The following RBFOX1 variants were observed in gnomAD, a reference collection of about 807,000 sequenced individuals.
RBFOX1 encodes the protein RNA binding protein fox-1 homolog 1.
In RBFOX1, 8 loss-of-function variants were observed where a neutral mutation model predicts 57.7. That is an observed-to-expected ratio of 0.14 (90% CI 0.08 to 0.25). The LOEUF is 0.25. Ranked by LOEUF, RBFOX1 falls within the 10% of genes least tolerant of loss-of-function variation. The probability of loss-of-function intolerance (pLI) is 1.00; values close to 1 mark genes in which losing one functional copy is unlikely to be tolerated. For synonymous variants in RBFOX1, 326 were observed against 222.4 expected (o/e 1.47, Z -4.15); for missense variants, 611 against 548.5 (o/e 1.11, Z -1.14).
chr16:6,583,056 T>C (rs1210472782), intron 2 of RBFOX1, among the ~76,000 whole-genome samples: 1 of 151,868 alleles, frequency 6.6e-6, no homozygotes, highest in Admixed American at 6.6e-5. Context: ...CCCTTCTCTT[T>C]GGTGTTCACT....
intron 2 of RBFOX1, among the ~76,000 whole-genome samples, chr16:6,641,053 A>G (rs560594110): frequency 6.6e-6 from 1 of 152,262 alleles, no homozygotes; most frequent in Admixed American, 6.5e-5. Flanking sequence ...TCTGCATCCC[A>G]CTTTCCCGAT....
At chr16:7,427,804 C>T (rs2098636274) in intron 4 of RBFOX1, among the ~76,000 whole-genome samples, 1 of 152,010 alleles carries the variant, frequency 6.6e-6, no homozygotes, top group Admixed American at 6.6e-5. Flanking sequence ...CAGGCATGTG[C>T]TACCACGCCC....
intron 4 of RBFOX1, among the ~76,000 whole-genome samples, chr16:7,485,062 C>CTT (rs57122573): frequency 6.8e-6 from 1 of 147,686 alleles, no homozygotes; most frequent in Admixed American, 6.7e-5. Context: ...CATTAATCCA[C>CTT]TTTTTTTTTT....
chr16:7,612,631 A>T (rs2057734320), intron 10 of RBFOX1, among the ~76,000 whole-genome samples: 4 of 151,968 alleles, frequency 2.6e-5, no homozygotes, highest in Admixed American at 2.0e-4. Flanking sequence ...ATATATTTTT[A>T]AAAGCAGTAT....
intron 2 of RBFOX1, among the ~76,000 whole-genome samples, chr16:6,445,792 A>C (rs1251825995): frequency 1.3e-5 from 2 of 152,082 alleles, no homozygotes; most frequent in Non-Finnish European, 2.9e-5. Context: ...CATTTTGGCC[A>C]GGATGGTCTC....
chr16:6,506,868 A>G (rs1457340794), intron 2 of RBFOX1, among the ~76,000 whole-genome samples: 1 of 152,148 alleles, frequency 6.6e-6, no homozygotes, highest in Non-Finnish European at 1.5e-5. Flanking sequence ...GGCTGGTCTC[A>G]AACTCCTGAC....
At chr16:7,390,173 G>A (rs1419956295) in intron 4 of RBFOX1, among the ~76,000 whole-genome samples, 1 of 152,108 alleles carries the variant, frequency 6.6e-6, no homozygotes, top group African/African-American at 2.4e-5. Context: ...AGAACAGCAA[G>A]GGGGATGTTT....
chr16:7,199,632 G>A (rs556793324), intron 4 of RBFOX1, among the ~76,000 whole-genome samples: 14 of 152,304 alleles, frequency 9.2e-5, no homozygotes, highest in East Asian at 5.8e-4. Context: ...AGTAGCTCAC[G>A]CCTGTAATCC....
intron 4 of RBFOX1, among the ~76,000 whole-genome samples, chr16:7,399,269 G>A (rs998209599): frequency 1.3e-5 from 2 of 150,772 alleles, no homozygotes; most frequent in African/African-American, 5.0e-5. Context: ...CCAACACGGA[G>A]AAACCCCATC....
chr16:7,681,025 A>G (rs2074594045), intron 14 of RBFOX1, among the ~76,000 whole-genome samples: 1 of 152,184 alleles, frequency 6.6e-6, no homozygotes, highest in Non-Finnish European at 1.5e-5. Context: ...ACTACATGCT[A>G]GAGAACGTAA....
chr16:5,495,683 C>T (rs1382727928), intron 2 of RBFOX1, among the ~76,000 whole-genome samples: 4 of 152,206 alleles, frequency 2.6e-5, no homozygotes, highest in South Asian at 2.1e-4. Flanking sequence ...ATGATATGCT[C>T]GTTAACATCG....
At chr16:6,215,738 G>A (rs1266502166) in intron 1 of RBFOX1, among the ~76,000 whole-genome samples, 9 of 151,964 alleles carry the variant, frequency 5.9e-5, no homozygotes, top group Non-Finnish European at 1.2e-4. Flanking sequence ...CATTCCCTAG[G>A]TGCACACAGC....
chr16:6,937,043 GTAAC>G (rs1344059056), intron 3 of RBFOX1, among the ~76,000 whole-genome samples: 1 of 151,842 alleles, frequency 6.6e-6, no homozygotes, highest in Non-Finnish European at 1.5e-5. Context: ...GTATACGTAT[GTAAC>G]TAACCTGCAC....
intron 5 of RBFOX1, among the ~76,000 whole-genome samples, chr16:7,573,417 CCTTA>C (rs1250823832): frequency 2.0e-5 from 3 of 152,120 alleles, no homozygotes; most frequent in African/African-American, 4.8e-5. Context: ...CCTCTAACAT[CCTTA>C]CTTTACTGAC....
Position 6,931,158 on chromosome 16 carries a change from C to T in RBFOX1, c.-15-120899C>T, listed in dbSNP as rs181636532. On this transcript the variant is annotated intron_variant, in intron 3 of 15. Transcript: ENST00000550418. ...TTAAGAAAAATTCAGAACACATTGA[C>T]CTTTCTTTACTAGTAATGCGCTGTG... 2.1e-3 allele frequency among the ~76,000 whole-genome samples: 315 copies of T among 151,998 alleles called. 3 individuals carry two copies. The highest frequency in any genetic ancestry group is 7.3e-3 in the African/African-American group (304 of 41,434).
At chr16:6,524,928 C>G (rs966683043) in intron 2 of RBFOX1, among the ~76,000 whole-genome samples, 2 of 152,180 alleles carry the variant, frequency 1.3e-5, no homozygotes, top group African/African-American at 4.8e-5. Flanking sequence ...ATGACCTCAT[C>G]TTAACTAATT....
chr16:6,114,581 C>T (rs573416571), intron 1 of RBFOX1, among the ~76,000 whole-genome samples: 1 of 151,796 alleles, frequency 6.6e-6, no homozygotes, highest in Non-Finnish European at 1.5e-5. Context: ...GGGGGCGTAA[C>T]TTATGGACTA....
chr16:6,543,566 G>C (rs553108599), intron 2 of RBFOX1, among the ~76,000 whole-genome samples: 2 of 152,064 alleles, frequency 1.3e-5, no homozygotes, highest in Admixed American at 1.3e-4. Context: ...GCTCCAAGAA[G>C]GCCTTTACTG....
At chr16:5,675,641 A>G (rs1356243080) in intron 3 of RBFOX1, among the ~76,000 whole-genome samples, 1 of 152,210 alleles carries the variant, frequency 6.6e-6, no homozygotes, top group African/African-American at 2.4e-5. Flanking sequence ...TCCGCGTGTC[A>G]TCGTGCAGCC....
Sources: gnomAD v4.1 joint callset for allele counts (sites outside exome capture counted in the v4.1 genomes callset) on GRCh38, gnomAD v4.1.1 for gene constraint, MANE v1.5 for transcripts, NCBI Gene and HGNC (gene_info 2026-07-23, HGNC 2026-07-21) for gene names.